Variants in WDR27 observed in about 807,000 individuals in gnomAD.
WDR27 encodes the protein WD repeat domain 27.
In WDR27, 100 loss-of-function variants were observed where a neutral mutation model predicts 114.4. The observed-to-expected ratio is 0.87, with a 90% CI of 0.74 to 1.03. The LOEUF is 1.03. Ranked by LOEUF, WDR27 falls within the 50% of genes least tolerant of loss-of-function variation. WDR27 has a pLI of 0.00. For missense variants in WDR27, 1,129 were observed against 1,092.9 expected (o/e 1.03, Z -0.47); for synonymous variants, 449 against 423.1 (o/e 1.06, Z -0.75).
chr6:169,442,489 CT>C, the WDR27 span, among the ~76,000 whole-genome samples: 4 of 152,072 alleles, frequency 2.6e-5, no homozygotes, highest in Non-Finnish European at 4.4e-5. Flanking sequence ...AAAGGTAAAA[CT>C]TTATATTTTT....
chr6:169,660,325 G>A (rs1825721790), intron 10 of WDR27, among the ~76,000 whole-genome samples: 1 of 152,204 alleles, frequency 6.6e-6, no homozygotes, highest in Non-Finnish European at 1.5e-5. Flanking sequence ...GCTCTGGGAG[G>A]CTCTCTAAGG....
chr6:169,428,018 G>A, the WDR27 span, among the ~76,000 whole-genome samples: 4 of 152,132 alleles, frequency 2.6e-5, no homozygotes, highest in Non-Finnish European at 5.9e-5. Flanking sequence ...AAGCGGCGTC[G>A]ACATTTTCTG....
At chr6:169,484,295 G>T (rs575675764) in intron 25 of WDR27, among the ~76,000 whole-genome samples, 1 of 152,136 alleles carries the variant, frequency 6.6e-6, no homozygotes, top group Admixed American at 6.6e-5. Flanking sequence ...CAGCCCAAAA[G>T]CTCCTTGATC....
chr6:169,564,717 G>A (rs1271728193), intron 25 of WDR27, among the ~76,000 whole-genome samples: 1 of 151,988 alleles, frequency 6.6e-6, no homozygotes, highest in Admixed American at 6.5e-5. Flanking sequence ...AGACTCTCAG[G>A]CTCACCCATC....
intron 25 of WDR27, among the ~76,000 whole-genome samples, chr6:169,488,296 T>A (rs1789226118): frequency 6.6e-6 from 1 of 152,222 alleles, no homozygotes; most frequent in African/African-American, 2.4e-5. Flanking sequence ...TGCCTGTTTG[T>A]GTGCTTTGCA....
intron 23 of WDR27, among the ~76,000 whole-genome samples, chr6:169,600,166 A>T (rs1284984151): frequency 6.6e-6 from 1 of 152,152 alleles, no homozygotes; most frequent in East Asian, 1.9e-4. Flanking sequence ...TTTGCTGAGG[A>T]GTGCTTTACT....
chr6:169,661,856 C>CA (rs1488294838), intron 9 of WDR27, among the ~76,000 whole-genome samples: 7 of 152,226 alleles, frequency 4.6e-5, no homozygotes, highest in African/African-American at 1.7e-4. Context: ...GTAATATATT[C>CA]TTGAATCACA....
rs902742540 is a variant in WDR27, at chr6:169,666,050, G to A, written c.713-494C>T. Among the ~76,000 whole-genome samples the A allele has an allele frequency of 3.3e-5, 5 of 152,182 alleles. No individual in the cohort carries two copies. The East Asian group carries it at 7.7e-4, about 23-fold the overall frequency. ...TTAAAAAAAAATTGTTGCCTAGGAT[G>A]TCATTTCATTTAAAACTTACTCTAA... On this transcript the variant is annotated intron_variant, in intron 6 of 25. Coordinates refer to ENST00000448612, the MANE Select transcript of WDR27 (RefSeq NM_182552.5).
intron 1 of WDR27, among the ~76,000 whole-genome samples, chr6:169,697,449 G>C (rs1026541514): frequency 4.6e-5 from 7 of 152,174 alleles, no homozygotes; most frequent in African/African-American, 1.4e-4. Context: ...TTCTCCCGGA[G>C]AGTTTAGAGA....
chr6:169,646,747 C>CAAAAAAAAAA, intron 16 of WDR27, among the ~76,000 whole-genome samples: 1 of 78,580 alleles, frequency 1.3e-5, no homozygotes, highest in Non-Finnish European at 2.7e-5. Context: ...GTCTCTGTCT[C>CAAAAAAAAAA]AAAAAAAAAA....
chr6:169,427,789 A>C, the WDR27 span, among the ~76,000 whole-genome samples: 1 of 150,184 alleles, frequency 6.7e-6, no homozygotes, highest in African/African-American at 2.5e-5. Flanking sequence ...TCTTTGGAAC[A>C]AGTGAAGACA....
At chr6:169,561,128 T>G (rs1211633683) in intron 25 of WDR27, among the ~76,000 whole-genome samples, 1 of 152,178 alleles carries the variant, frequency 6.6e-6, no homozygotes, top group Non-Finnish European at 1.5e-5. Flanking sequence ...CTCACCGTCC[T>G]GGAGGCTGGA....
intron 25 of WDR27, among the ~76,000 whole-genome samples, chr6:169,494,478 C>T (rs1236135383): frequency 6.6e-6 from 1 of 152,122 alleles, no homozygotes; most frequent in African/African-American, 2.4e-5. Flanking sequence ...ACCACAATCA[C>T]TTGAGCAATG....
At position 169,668,003 on chromosome 6, in the gene WDR27, C is replaced by T. The variant is rs199530548; in HGVS notation, c.639G>A (p.Ala213=). ...CPWRAGTLIS[A]SEDRGFKVWD... ...TCACCTTAAAGCCTCTGTCCTCAGA[C>T]GCCGAGATGAGGGTGCCTGCTCGCC... The change falls in exon 5 of 26, where the codon GCG becomes GCA. Residue 213 remains alanine (A), a synonymous_variant. Coordinates refer to ENST00000448612, the MANE Select transcript of WDR27 (RefSeq NM_182552.5). 9 of 1,613,538 alleles carry T rather than the reference C, an allele frequency of 5.6e-6. No homozygotes were observed. Among genetic ancestry groups the T allele is most frequent in the African/African-American group, 1.3e-5 (1 of 74,936 alleles).
Position 169,649,178 on chromosome 6 carries a change from A to G in WDR27, c.1559+20T>C. The G allele has an allele frequency of 1.9e-6, 3 of 1,555,016 alleles. No homozygotes were observed. Among genetic ancestry groups the G allele is most frequent in the Non-Finnish European group, 2.6e-6 (3 of 1,147,532 alleles). ...CTAGGTTATTTCAAATGTACTTGGA[A>G]TGCACGCTACATCACACACCGTGCG... On this transcript the variant is annotated intron_variant, in intron 15 of 25. Transcript: ENST00000448612.
In WDR27 at chr6:169,480,876, C is replaced by T. The variant is rs376579307; in HGVS notation, c.2646-23242G>A. On this transcript the variant is annotated intron_variant, in intron 25 of 25. Transcript: ENST00000448612. ...CTGTGTCTAGCTAAAAGTTTGTAAACGCACCAATCAGTGCTCTGTGTCTAG... is the reference window on the plus strand; with the variant it reads ...CTGTGTCTAGCTAAAAGTTTGTAAATGCACCAATCAGTGCTCTGTGTCTAG... 3.8e-3 allele frequency among the ~76,000 whole-genome samples: 551 copies of T among 146,836 alleles called. 3 individuals carry two copies. The highest frequency in any genetic ancestry group is 6.1e-3 in the Non-Finnish European group (414 of 67,694).
intron 24 of WDR27, among the ~76,000 whole-genome samples, chr6:169,579,485 C>T (rs573562229): frequency 3.9e-5 from 6 of 152,108 alleles, no homozygotes; most frequent in Non-Finnish European, 8.8e-5. Context: ...CCCTGCTGAT[C>T]AAAACAGGAT....
At chr6:169,481,653 A>G (rs893874154) in intron 25 of WDR27, among the ~76,000 whole-genome samples, 1 of 151,976 alleles carries the variant, frequency 6.6e-6, no homozygotes, top group Non-Finnish European at 1.5e-5. Flanking sequence ...GAGCTGTAAC[A>G]CTCACCGCAA....
chr6:169,654,901 G>A (rs997730994), intron 13 of WDR27, among the ~76,000 whole-genome samples: 9 of 152,180 alleles, frequency 5.9e-5, no homozygotes, highest in African/African-American at 1.9e-4. Context: ...GTTCTTTTGC[G>A]GGTGTTTCTT....
Sources: gnomAD v4.1 joint callset for allele counts (sites outside exome capture counted in the v4.1 genomes callset) on GRCh38, gnomAD v4.1.1 for gene constraint, MANE v1.5 for transcripts, NCBI Gene and HGNC (gene_info 2026-07-23, HGNC 2026-07-21) for gene names.